Variants in PRDM5 observed in about 807,000 individuals in gnomAD.
PRDM5 encodes the protein PR domain zinc finger protein 5.
A neutral mutation model predicts 81.2 loss-of-function variants in PRDM5; 56 were observed. The ratio of observed to expected loss-of-function variants is 0.69; its 90% CI spans 0.56 to 0.86. The LOEUF (loss-of-function observed/expected upper bound fraction) is 0.86, where lower values mean the gene tolerates loss of function less well. Ranked by LOEUF, PRDM5 falls within the 40% of genes least tolerant of loss-of-function variation. The probability of loss-of-function intolerance (pLI) is 0.00; values close to 1 mark genes in which losing one functional copy is unlikely to be tolerated. For missense variants in PRDM5, 697 were observed against 770.1 expected, an observed-to-expected ratio of 0.91 and a Z score of 1.12; for synonymous variants, 267 against 256.4, an observed-to-expected ratio of 1.04 and a Z score of -0.39.
intron 3 of PRDM5, among the ~76,000 whole-genome samples, chr4:120,847,555 C>T (rs903632882): frequency 6.6e-6 from 1 of 152,160 alleles, no homozygotes; most frequent in Admixed American, 6.5e-5. Flanking sequence ...CATGAAAGTC[C>T]TTGAACCAGA....
At chr4:120,725,008 G>A (rs1399992417) in intron 14 of PRDM5, among the ~76,000 whole-genome samples, 3 of 152,172 alleles carry the variant, frequency 2.0e-5, no homozygotes, top group Non-Finnish European at 4.4e-5. Context: ...GCACAGGTGA[G>A]GATTCTATAG....
At chr4:120,865,403 T>C (rs1761090056) in intron 2 of PRDM5, among the ~76,000 whole-genome samples, 1 of 152,306 alleles carries the variant, frequency 6.6e-6, no homozygotes, top group South Asian at 2.1e-4. Flanking sequence ...TTGATATCAA[T>C]CCTGCTCCAA....
chr4:120,720,756 C>T (rs577993272), intron 14 of PRDM5, among the ~76,000 whole-genome samples: 1 of 152,322 alleles, frequency 6.6e-6, no homozygotes, highest in African/African-American at 2.4e-5. Context: ...AAAACATACC[C>T]ATGGCCTAGT....
At chr4:120,716,784 C>G (rs1279817268) in intron 14 of PRDM5, among the ~76,000 whole-genome samples, 1 of 152,140 alleles carries the variant, frequency 6.6e-6, no homozygotes, top group Non-Finnish European at 1.5e-5. Flanking sequence ...GGCTCTTATA[C>G]TAGAGGCAGA....
chr4:120,694,138 G>A lies in PRDM5; in HGVS notation c.*973C>T, dbSNP rs898171638. The A allele has an allele frequency of 2.0e-5, 3 of 152,074 alleles. No homozygotes were observed. Among genetic ancestry groups the A allele is most frequent in the Non-Finnish European group, 4.4e-5 (3 of 68,008 alleles). 9.4% of individuals were successfully genotyped at this position (152,074 alleles called of 1,614,324 possible). A position where few individuals can be genotyped will look rare whatever the true frequency, so the allele number is the denominator to read the frequency against. On this transcript the variant is annotated 3_prime_UTR_variant, in exon 16 of 16. Transcript: ENST00000264808. ...GCAAAATGGAATGTTAATGTTCTGA[G>A]GACTGTATCTGCACTAACATGTTCT...
intron 2 of PRDM5, among the ~76,000 whole-genome samples, chr4:120,905,835 T>C (rs1490463749): frequency 2.0e-5 from 3 of 152,176 alleles, no homozygotes; most frequent in African/African-American, 7.2e-5. Flanking sequence ...TCTCAGCTCT[T>C]ACCCTTCTCA....
intron 11 of PRDM5, 145 bp from the exon 12 acceptor site, chr4:120,781,448 A>C: frequency 2.7e-6 from 2 of 753,566 alleles, no homozygotes; most frequent in Non-Finnish European, 4.5e-6. Flanking sequence ...AACAAATTCC[A>C]GTTCCATTAT....
At chr4:120,910,922 T>C (rs938265863) in intron 1 of PRDM5, among the ~76,000 whole-genome samples, 4 of 152,188 alleles carry the variant, frequency 2.6e-5, no homozygotes, top group Admixed American at 2.0e-4. Context: ...GATTTCACAC[T>C]AGCAGATAGG....
At chr4:120,821,057 C>A in intron 4 of PRDM5, 114 bp downstream of exon 4, 1 of 1,253,664 alleles carries the variant, frequency 8.0e-7, no homozygotes, top group East Asian at 2.3e-5. Flanking sequence ...TTGACAAAAA[C>A]TAACTTTATT....
rs369514631 is a variant in PRDM5 at position 120,705,242 on chromosome 4, A to G, written c.1728+5067T>C. ...ATTGAATGCTTCCCACATGCCAGGC[A>G]CTGTTCTAGGCTTGAGGATCCAACA... is the stretch of plus-strand genomic sequence containing the variant. On this transcript the variant is annotated intron_variant, in intron 15 of 15. Transcript: ENST00000264808. Among the ~76,000 whole-genome samples the G allele has an allele frequency of 3.2e-4, 48 of 152,326 alleles. No individual in the cohort carries two copies. In the South Asian group the frequency reaches 1.0e-2, roughly 32 times the overall value.
At chr4:120,747,960 A>G (rs1206947624) in intron 14 of PRDM5, among the ~76,000 whole-genome samples, 1 of 152,270 alleles carries the variant, frequency 6.6e-6, no homozygotes, top group Non-Finnish European at 1.5e-5. Flanking sequence ...CGAGACGTGA[A>G]GTTTTCTATC....
chr4:120,849,105 T>C (rs954951346), intron 3 of PRDM5, among the ~76,000 whole-genome samples: 17 of 152,196 alleles, frequency 1.1e-4, no homozygotes, highest in African/African-American at 3.9e-4. Context: ...TTGGTATTTA[T>C]TTTTGTTGGT....
At chr4:120,832,474 T>C (rs1756832826) in intron 3 of PRDM5, among the ~76,000 whole-genome samples, 1 of 152,066 alleles carries the variant, frequency 6.6e-6, no homozygotes, top group Non-Finnish European at 1.5e-5. Flanking sequence ...ACATATAAAT[T>C]ATTCCCCAAA....
At chr4:120,717,128 T>C (rs971847512) in intron 14 of PRDM5, among the ~76,000 whole-genome samples, 1 of 152,026 alleles carries the variant, frequency 6.6e-6, no homozygotes, top group Admixed American at 6.6e-5. Flanking sequence ...GTATAAATTA[T>C]ACACTTTAAC....
chr4:120,788,391 C>T (rs1365678339), intron 10 of PRDM5, among the ~76,000 whole-genome samples: 1 of 152,072 alleles, frequency 6.6e-6, no homozygotes, highest in Non-Finnish European at 1.5e-5. Context: ...AGACATTCTA[C>T]AAAACATTGA....
At chr4:120,880,796 G>C (rs1579094175) in intron 2 of PRDM5, among the ~76,000 whole-genome samples, 1 of 151,976 alleles carries the variant, frequency 6.6e-6, no homozygotes, top group East Asian at 1.9e-4. Flanking sequence ...CATTGACAAA[G>C]CTGGTTCGTC....
chr4:120,691,994 C>T lies in PRDM5; in HGVS notation c.*3117G>A, dbSNP rs540261228. The T allele has an allele frequency of 1.3e-5, 2 of 151,826 alleles. No individual in the cohort carries two copies. The highest frequency in any genetic ancestry group is 4.2e-4 in the South Asian group (2 of 4,798). 9.4% of individuals were successfully genotyped at this position (151,826 alleles called of 1,614,324 possible). A position where few individuals can be genotyped will look rare whatever the true frequency, so the allele number is the denominator to read the frequency against. ...TTGGAATTCTATATTTACACATGCTCCATTTATATACACGCAAACAAATGT... is the reference window on the plus strand; with the variant it reads ...TTGGAATTCTATATTTACACATGCTTCATTTATATACACGCAAACAAATGT... On this transcript the variant is annotated 3_prime_UTR_variant, in exon 16 of 16. Transcript: ENST00000264808.
chr4:120,873,560 T>C (rs1213559988), intron 2 of PRDM5, among the ~76,000 whole-genome samples: 1 of 152,254 alleles, frequency 6.6e-6, no homozygotes, highest in Non-Finnish European at 1.5e-5. Context: ...TTTACAATAG[T>C]CATTGTCAAA....
At chr4:120,793,525 T>G (rs779359980) in intron 10 of PRDM5, among the ~76,000 whole-genome samples, 4 of 152,194 alleles carry the variant, frequency 2.6e-5, no homozygotes, top group Non-Finnish European at 5.9e-5. Context: ...ATGAAACTGG[T>G]CCCTGGCATC....
Sources: allele counts gnomAD v4.1 joint callset (sites outside exome capture counted in the v4.1 genomes callset), GRCh38; gene constraint gnomAD v4.1.1; transcripts MANE v1.5; gene names NCBI Gene and HGNC (gene_info 2026-07-23, HGNC 2026-07-21).